SAMD12: variants seen among roughly 807,000 people sequenced by gnomAD.
The protein encoded by SAMD12 is sterile alpha motif domain containing 12.
In SAMD12, 9 loss-of-function variants were observed where a neutral mutation model predicts 15.0. That is an observed-to-expected ratio of 0.60 (90% CI 0.36 to 1.05). SAMD12 has a LOEUF of 1.05. Among genes scored for constraint, SAMD12 ranks in the 50% least tolerant of loss-of-function variants. SAMD12 has a pLI of 0.01. For missense variants in SAMD12, 230 were observed against 234.2 expected, an observed-to-expected ratio of 0.98 and a Z score of 0.12; for synonymous variants, 86 against 90.1, an observed-to-expected ratio of 0.96 and a Z score of 0.25.
intron 4 of SAMD12, among the ~76,000 whole-genome samples, chr8:118,300,022 T>A (rs1489385087): frequency 6.6e-6 from 1 of 150,614 alleles, no homozygotes; most frequent in Non-Finnish European, 1.5e-5. Flanking sequence ...TTATTCCTTT[T>A]TTTTCTTTAC....
intron 2 of SAMD12, among the ~76,000 whole-genome samples, chr8:118,553,379 A>T (rs944261020): frequency 2.0e-5 from 3 of 151,988 alleles, no homozygotes; most frequent in Non-Finnish European, 4.4e-5. Context: ...ATAACGCCGC[A>T]TATCTACAAC....
intron 4 of SAMD12, among the ~76,000 whole-genome samples, chr8:118,243,250 T>C (rs1270126689): frequency 1.3e-5 from 2 of 152,148 alleles, no homozygotes; most frequent in Non-Finnish European, 2.9e-5. Flanking sequence ...CCACACTCAA[T>C]AGTATATATT....
chr8:118,293,953 A>C (rs1431510341), intron 4 of SAMD12, among the ~76,000 whole-genome samples: 23 of 152,200 alleles, frequency 1.5e-4, no homozygotes. Flanking sequence ...TCTCTAAGGC[A>C]CTCAAGGCAT....
intron 2 of SAMD12, among the ~76,000 whole-genome samples, chr8:118,512,028 G>C (rs1204339783): frequency 2.0e-5 from 3 of 149,842 alleles, no homozygotes; most frequent in Non-Finnish European, 3.0e-5. Context: ...AAGGAAACTG[G>C]AGCACTATAA....
intron 4 of SAMD12, among the ~76,000 whole-genome samples, chr8:118,218,950 G>A (rs1200182278): frequency 1.3e-5 from 2 of 152,146 alleles, no homozygotes; most frequent in Non-Finnish European, 2.9e-5. Context: ...ATAATTGGGA[G>A]ATTTATAGTT....
rs549138030 is a variant in SAMD12, at chr8:118,230,970, A to C, written c.434-33238T>G. Among the ~76,000 whole-genome samples, 8 of 152,306 alleles carry C rather than the reference A, an allele frequency of 5.3e-5. No individual in the cohort carries two copies. In the South Asian group the frequency reaches 6.2e-4, roughly 12 times the overall value. On this transcript the variant is annotated intron_variant, in intron 4 of 4. Coordinates refer to the SAMD12 transcript ENST00000409003. Reference sequence around the variant, plus strand: ...ATGACTTTTGATTCACAATTTAAAAAGATAATCTTAGGTTCAGACTTATTA... The same window carrying C: ...ATGACTTTTGATTCACAATTTAAAACGATAATCTTAGGTTCAGACTTATTA...
At chr8:118,447,580 G>A (rs932413576) in intron 2 of SAMD12, among the ~76,000 whole-genome samples, 2 of 151,980 alleles carry the variant, frequency 1.3e-5, no homozygotes, top group African/African-American at 4.8e-5. Context: ...TGGGATTACA[G>A]GCGTGAGCCA....
chr8:118,324,512 AC>A (rs1816468658), intron 4 of SAMD12, among the ~76,000 whole-genome samples: 1 of 152,202 alleles, frequency 6.6e-6, no homozygotes, highest in African/African-American at 2.4e-5. Flanking sequence ...TTGAGTACCC[AC>A]TACATCTCAA....
intron 3 of SAMD12, among the ~76,000 whole-genome samples, chr8:118,414,060 G>C (rs1821559686): frequency 6.6e-6 from 1 of 152,152 alleles, no homozygotes; most frequent in African/African-American, 2.4e-5. Flanking sequence ...TGGCATAGCT[G>C]TATTTCCCAA....
At chr8:118,398,734 G>A (rs1245352071) in intron 3 of SAMD12, among the ~76,000 whole-genome samples, 1 of 152,092 alleles carries the variant, frequency 6.6e-6, no homozygotes, top group Non-Finnish European at 1.5e-5. Context: ...AATAAAATGA[G>A]GGAACTTTGG....
intron 2 of SAMD12, among the ~76,000 whole-genome samples, chr8:118,458,828 T>G (rs906432996): frequency 3.3e-5 from 5 of 152,206 alleles, no homozygotes; most frequent in African/African-American, 1.2e-4. Context: ...TTCAAGTTAC[T>G]GTTATTCGTT....
At chr8:118,458,937 T>C (rs138923600) in intron 2 of SAMD12, among the ~76,000 whole-genome samples, 2 of 131,092 alleles carry the variant, frequency 1.5e-5, no homozygotes, top group East Asian at 4.6e-4. Flanking sequence ...AATAGTAAAG[T>C]CTTCAGCTAT....
chr8:118,316,918 G>T (rs972058905), intron 4 of SAMD12, among the ~76,000 whole-genome samples: 2 of 148,906 alleles, frequency 1.3e-5, no homozygotes, highest in African/African-American at 4.9e-5. Context: ...GCCTCCCAAA[G>T]CGCTGGGATT....
At chr8:118,490,958 G>A (rs755604652) in intron 2 of SAMD12, among the ~76,000 whole-genome samples, 6 of 151,676 alleles carry the variant, frequency 4.0e-5, no homozygotes, top group Non-Finnish European at 7.4e-5. Context: ...GAACCCTGAT[G>A]GAATGCTGGC....
chr8:118,141,695 A>G, the SAMD12 span, among the ~76,000 whole-genome samples: 1 of 152,264 alleles, frequency 6.6e-6, no homozygotes, highest in Non-Finnish European at 1.5e-5. Context: ...TGACTCAGTG[A>G]GTAATAGAAG....
At chr8:118,273,646 A>T (rs1382261611) in intron 4 of SAMD12, among the ~76,000 whole-genome samples, 1 of 152,156 alleles carries the variant, frequency 6.6e-6, no homozygotes, top group Non-Finnish European at 1.5e-5. Context: ...GAGACATTGG[A>T]TAAGGATTGT....
chr8:118,618,638 G>A (rs1242432381), intron 1 of SAMD12, among the ~76,000 whole-genome samples: 5 of 152,052 alleles, frequency 3.3e-5, no homozygotes, highest in Admixed American at 2.6e-4. Flanking sequence ...AGGAGATGGA[G>A]ACCATCCTGG....
At chr8:118,456,208 C>A (rs897285941) in intron 2 of SAMD12, among the ~76,000 whole-genome samples, 1 of 152,202 alleles carries the variant, frequency 6.6e-6, no homozygotes, top group Non-Finnish European at 1.5e-5. Flanking sequence ...TACAGCCCAC[C>A]CTTACTTTAG....
intron 4 of SAMD12, among the ~76,000 whole-genome samples, chr8:118,273,565 G>A (rs1813413179): frequency 6.6e-6 from 1 of 152,182 alleles, no homozygotes; most frequent in South Asian, 2.1e-4. Context: ...TGGTTAAACA[G>A]CTTAAGAGAT....
Sources: allele counts gnomAD v4.1 joint callset (sites outside exome capture counted in the v4.1 genomes callset), GRCh38; gene constraint gnomAD v4.1.1; transcripts MANE v1.5; gene names NCBI Gene and HGNC (gene_info 2026-07-23, HGNC 2026-07-21).